PI4K2B: variants seen among roughly 807,000 people sequenced by gnomAD.
The protein encoded by PI4K2B is phosphatidylinositol 4-kinase type 2-beta.
PI4K2B carries 46 observed loss-of-function variants against 56.6 expected under a neutral mutation model. The observed-to-expected ratio is 0.81, with a 90% CI of 0.64 to 1.04. PI4K2B has a LOEUF of 1.04. Among genes scored for constraint, PI4K2B ranks in the 50% least tolerant of loss-of-function variants. The probability of loss-of-function intolerance (pLI) is 0.00; values close to 1 mark genes in which losing one functional copy is unlikely to be tolerated. For missense variants in PI4K2B, 556 were observed against 607.7 expected (o/e 0.91, Z 0.89); for synonymous variants, 211 against 223.8 (o/e 0.94, Z 0.51).
chr4:25,257,134 T>A (rs1005002526), intron 4 of PI4K2B, among the ~76,000 whole-genome samples: 2 of 151,750 alleles, frequency 1.3e-5, no homozygotes, highest in African/African-American at 4.8e-5. Flanking sequence ...CAGGGCTTAC[T>A]GCAGCCTCGA....
In PI4K2B at chr4:25,234,422, G is replaced by A; in HGVS notation, c.259G>A (p.Ala87Thr). Residue 87 changes from alanine (A) to threonine (T), a missense_variant, in exon 1 of 10, where the codon GCG becomes ACG. Physicochemically the swap from Ala to Thr is moderately conservative, Grantham distance 58. Coordinates refer to ENST00000264864, the MANE Select transcript of PI4K2B (RefSeq NM_018323.4). ...SSAELDRSRPAVSVTIGTSEM... is the reference protein window; with the variant it reads ...SSAELDRSRPTVSVTIGTSEM... ...CGCCGAGCTGGACCGGAGCCGCCCC[G>A]CGGTTTCAGGTGCGACCCGGCCCTG... The A allele has an allele frequency of 1.5e-6, 2 of 1,349,082 alleles. No homozygotes were observed. The highest frequency in any genetic ancestry group is 3.5e-5 in the Admixed American group (1 of 28,736). 83.6% of individuals were successfully genotyped at this position (1,349,082 alleles called of 1,614,324 possible). A position where few individuals can be genotyped will look rare whatever the true frequency, so the allele number is the denominator to read the frequency against.
intron 1 of PI4K2B, among the ~76,000 whole-genome samples, chr4:25,251,996 TG>T (rs1291282759): frequency 1.3e-5 from 2 of 152,158 alleles, no homozygotes; most frequent in African/African-American, 4.8e-5. Context: ...GCTAATTTTT[TG>T]TATTTTTAGT....
At chr4:25,258,569 T>TAA (rs5856891) in intron 4 of PI4K2B, 18 of 235,566 alleles carry the variant, frequency 7.6e-5, no homozygotes, top group South Asian at 1.6e-4. Context: ...TCTTAACAAC[T>TAA]AAAAAAAAAA....
intron 1 of PI4K2B, among the ~76,000 whole-genome samples, chr4:25,238,365 A>T (rs972354681): frequency 6.6e-6 from 1 of 152,226 alleles, no homozygotes; most frequent in Admixed American, 6.5e-5. Flanking sequence ...GATTAATTTC[A>T]TAAAGGTAGT....
chr4:25,276,551 A>C, intron 9 of PI4K2B: 1 of 619,940 alleles, frequency 1.6e-6, no homozygotes, highest in South Asian at 7.2e-5. Flanking sequence ...TAACTATTGT[A>C]TCCCTAGCAC....
At position 25,255,205 on chromosome 4, in the gene PI4K2B, C is replaced by T. The variant is rs377317552; in HGVS notation, c.564C>T (p.Ser188=). 13 of 1,613,998 alleles carry T rather than the reference C, an allele frequency of 8.1e-6. No individual in the cohort carries two copies. Among genetic ancestry groups the T allele is most frequent in the East Asian group, 4.5e-5 (2 of 44,888 alleles). ...GCLIPNQGYL[S]EAGAYLVDNK... ...TGATTCCTAATCAGGGGTACCTTTC[C>T]GAAGCGGGTGCCTATCTTGTGGACA... The change falls in exon 3 of 10, where the codon TCC becomes TCT. Residue 188 remains serine, a synonymous_variant. Transcript: ENST00000264864.
intron 4 of PI4K2B, among the ~76,000 whole-genome samples, chr4:25,258,212 C>CTTTTTTTT (rs1716322751): frequency 1.4e-5 from 1 of 71,694 alleles, no homozygotes. Context: ...AGGAATCTGT[C>CTTTTTTTT]CTTTTTTTTT....
intron 3 of PI4K2B, 40 bp from the exon 4 acceptor site, chr4:25,256,503 A>C: frequency 6.3e-7 from 1 of 1,586,920 alleles, no homozygotes; most frequent in Non-Finnish European, 8.6e-7. Flanking sequence ...AGATACTATA[A>C]TGCAAATTCT....
rs114442703 is a variant in PI4K2B at position 25,255,292 on chromosome 4, G to A, written c.624+27G>A. 1.3e-3 allele frequency: 2,003 copies of A among 1,577,348 alleles called. 30 individuals are homozygous for A. In the African/African-American group the frequency reaches 0.024, roughly 19 times the overall value. On this transcript the variant is annotated intron_variant, in intron 3 of 9. Transcript: ENST00000264864. ...TAAGCCAGACTTTATTTTTAACCAT[G>A]GACTTTTAATTTACAACCTGCTTAT...
Position 25,252,466 on chromosome 4 carries a change from T to A in PI4K2B, c.414T>A (p.Asp138Glu). 6.2e-7 allele frequency: 1 copy of A among 1,608,102 alleles called. No individual in the cohort carries two copies. Among genetic ancestry groups the A allele is most frequent in the Non-Finnish European group, 8.5e-7 (1 of 1,174,710 alleles). ...CAAGTGGAAGTTACTTTGTGAAGGA[T>A]CCTAAGAGGGTGAGAATTTCACAGA... ...QGSSGSYFVKDPKRKIIGVFK... is the reference protein window; with the variant it reads ...QGSSGSYFVKEPKRKIIGVFK... Residue 138 changes from aspartate (D) to glutamate (E), a missense_variant, in exon 2 of 10, where the codon GAT (aspartate) becomes GAA (glutamate). By Grantham distance (45) the Asp-to-Glu change is conservative (BLOSUM62 2). Transcript: ENST00000264864.
At chr4:25,235,627 G>A (rs1171927892) in intron 1 of PI4K2B, among the ~76,000 whole-genome samples, 1 of 152,172 alleles carries the variant, frequency 6.6e-6, no homozygotes, top group East Asian at 1.9e-4. Context: ...ACAACGTGAA[G>A]CTGAAACCAG....
chr4:25,262,058 C>T (rs313540), intron 6 of PI4K2B, among the ~76,000 whole-genome samples: 19 of 152,050 alleles, frequency 1.2e-4, no homozygotes, highest in Admixed American at 9.8e-4. Flanking sequence ...CACTTTGGGA[C>T]GCCAAGGTGG....
At chr4:25,245,355 CA>C (rs1347102247) in intron 1 of PI4K2B, among the ~76,000 whole-genome samples, 3 of 152,104 alleles carry the variant, frequency 2.0e-5, no homozygotes, top group Non-Finnish European at 4.4e-5. Context: ...CACTAGGACC[CA>C]GGGGGTAAGG....
At position 25,277,039 on chromosome 4, in the gene PI4K2B, G is replaced by A. The variant is rs1305249045; in HGVS notation, c.1298G>A (p.Arg433Lys). 6.3e-7 allele frequency: 1 copy of A among 1,598,978 alleles called. No homozygotes were observed. The highest frequency in any genetic ancestry group is 8.6e-7 in the Non-Finnish European group (1 of 1,169,166). ...GQILNLTQAL[R>K]DGKSPFQLVQ... ...ATCTTAAACCTTACTCAGGCATTGA[G>A]AGACGGGAAGAGTCCTTTCCAGCTA... Residue 433 changes from arginine (R) to lysine (K), a missense_variant, in exon 10 of 10, where the codon AGA becomes AAA. Physicochemically the swap from Arg to Lys is conservative, Grantham distance 26 (BLOSUM62 2). Transcript: ENST00000264864.
intron 1 of PI4K2B, among the ~76,000 whole-genome samples, chr4:25,239,102 T>C (rs1000521974): frequency 2.6e-5 from 4 of 152,170 alleles, no homozygotes; most frequent in Admixed American, 2.6e-4. Context: ...GAGTGCTGAT[T>C]GGTGTATTTA....
At chr4:25,260,627 T>C in intron 6 of PI4K2B, 36 bp downstream of exon 6, 1 of 278,734 alleles carries the variant, frequency 3.6e-6, no homozygotes, top group Non-Finnish European at 6.3e-6. Flanking sequence ...TATATATATA[T>C]ATATATATAT....
chr4:25,265,099 G>T (rs1220430654), intron 7 of PI4K2B, among the ~76,000 whole-genome samples: 1 of 147,662 alleles, frequency 6.8e-6, no homozygotes, highest in Non-Finnish European at 1.5e-5. Context: ...GGAGGCCGAG[G>T]CAGGAGAATC....
chr4:25,236,277 C>T (rs886410016), intron 1 of PI4K2B, among the ~76,000 whole-genome samples: 14 of 151,328 alleles, frequency 9.3e-5, no homozygotes, highest in Admixed American at 5.3e-4. Flanking sequence ...CTGTTGGGTG[C>T]CATGGCTCAT....
At position 25,234,250 on chromosome 4, in the gene PI4K2B, G is replaced by A. The variant is rs769969527; in HGVS notation, c.87G>A (p.Leu29=). 3 of 1,428,208 alleles carry A rather than the reference G, an allele frequency of 2.1e-6. No homozygotes were observed. In the East Asian group the frequency reaches 9.1e-5, roughly 43 times the overall value. 88.5% of individuals were successfully genotyped at this position (1,428,208 alleles called of 1,614,324 possible). A position where few individuals can be genotyped will look rare whatever the true frequency, so the allele number is the denominator to read the frequency against. ...AGGAGGATGGGGAGCGGGAGCCGCT[G>A]CTACCGCGGATCGCCTGGGCCCACC... ...EEEEDGEREP[L]LPRIAWAHPR... is the part of the protein sequence containing the mutation. Residue 29 remains leucine (L), a synonymous_variant, in exon 1 of 10, where the codon CTG becomes CTA. Transcript: ENST00000264864.
Sources: allele counts gnomAD v4.1 joint callset (sites outside exome capture counted in the v4.1 genomes callset), GRCh38; gene constraint gnomAD v4.1.1; transcripts MANE v1.5; gene names NCBI Gene and HGNC (gene_info 2026-07-23, HGNC 2026-07-21).